ZMIZ2: variants seen among roughly 807,000 people sequenced by gnomAD.
The protein encoded by ZMIZ2 is zinc finger MIZ domain-containing protein 2.
ZMIZ2 carries 26 observed loss-of-function variants against 93.9 expected under a neutral mutation model. The observed-to-expected ratio is 0.28, with a 90% CI of 0.20 to 0.38. The LOEUF is 0.38. Among genes scored for constraint, ZMIZ2 ranks in the 10% least tolerant of loss-of-function variants. The probability of loss-of-function intolerance (pLI) is 1.00; values close to 1 mark genes in which losing one functional copy is unlikely to be tolerated. For synonymous variants in ZMIZ2, 485 were observed against 516.4 expected, an observed-to-expected ratio of 0.94 and a Z score of 0.82; for missense variants, 1,023 against 1,235.0, an observed-to-expected ratio of 0.83 and a Z score of 2.57.
Position 44,759,465 on chromosome 7 carries a change from G to A in ZMIZ2, c.993+5G>A. 1 of 1,502,450 alleles carries A rather than the reference G, an allele frequency of 6.7e-7. No homozygotes were observed. The highest frequency in any genetic ancestry group is 8.9e-7 in the Non-Finnish European group (1 of 1,123,742). The allele number at this position is 1,502,450 out of a possible 1,614,324, so 93.1% of individuals were successfully genotyped here. A position where few individuals can be genotyped will look rare whatever the true frequency, so the allele number is the denominator to read the frequency against. On this transcript the variant is annotated splice_donor_5th_base_variant and intron_variant, in intron 7 of 18. Transcript: ENST00000309315. ...CCCACGGGACTGCATTATAAGGTAGGGCAGGCTCCTCCAGGCCCTGTGCCG... is the reference window on the plus strand; with the variant it reads ...CCCACGGGACTGCATTATAAGGTAGAGCAGGCTCCTCCAGGCCCTGTGCCG...
At chr7:44,758,234 C>A in intron 6 of ZMIZ2, 126 bp downstream of exon 6, 1 of 1,257,602 alleles carries the variant, frequency 8.0e-7, no homozygotes, top group Non-Finnish European at 1.0e-6. Flanking sequence ...AGTCCCTGCA[C>A]TTTGGGAAAC....
chr7:44,755,881 G>T (rs565342297), intron 1 of ZMIZ2, among the ~76,000 whole-genome samples: 47 of 152,276 alleles, frequency 3.1e-4, no homozygotes, highest in African/African-American at 1.1e-3. Context: ...CGGTGTGGGC[G>T]GGAGAGTGGG....
At chr7:44,757,185 A>G (rs1465635369) in intron 4 of ZMIZ2, 36 bp downstream of exon 4, 1 of 1,566,126 alleles carries the variant, frequency 6.4e-7, no homozygotes, top group Non-Finnish European at 8.6e-7. Context: ...GTATGCTAGG[A>G]GCCATCAATC....
chr7:44,752,305 G>C lies in ZMIZ2; in HGVS notation c.-63+3314G>C, dbSNP rs567214049. Among the ~76,000 whole-genome samples, 8 of 152,044 alleles carry C rather than the reference G, an allele frequency of 5.3e-5. No homozygotes were observed. The South Asian group carries it at 1.5e-3, about 28-fold the overall frequency. Reference sequence around the variant, plus strand: ...ACTACGCCCGGTTAGTTTTTGCCCAGCTAATTCTTATGTTTTTAGTAGAGT... The same window carrying C: ...ACTACGCCCGGTTAGTTTTTGCCCACCTAATTCTTATGTTTTTAGTAGAGT... On this transcript the variant is annotated intron_variant, in intron 1 of 18. Transcript: ENST00000309315.
rs767818287 is a variant in ZMIZ2, at chr7:44,758,029, G to A, written c.734G>A (p.Arg245His). The change falls in exon 6 of 19, where the codon CGT becomes CAT. Residue 245 changes from arginine (R) to histidine (H), a missense_variant. Around this residue, in one of 3 missense-constraint regions of ZMIZ2, gnomAD observed 656 missense variants for 777.1 expected, o/e 0.84. Coordinates refer to ENST00000309315, the MANE Select transcript of ZMIZ2 (RefSeq NM_031449.4). ...AGMTPLYAGQ[R>H]LPQHGYPGPP... Reference sequence around the variant, plus strand: ...ATGACACCCTTGTATGCAGGGCAGCGTCTGCCCCAACATGGGTATCCTGGG... The same window carrying A: ...ATGACACCCTTGTATGCAGGGCAGCATCTGCCCCAACATGGGTATCCTGGG... 6.8e-6 allele frequency: 11 copies of A among 1,610,650 alleles called. No homozygotes were observed. Among genetic ancestry groups the A allele is most frequent in the Middle Eastern group, 1.6e-4 (1 of 6,068 alleles).
At position 44,766,595 on chromosome 7, in the gene ZMIZ2, C is replaced by G; in HGVS notation, c.2587C>G (p.Pro863Ala). The change falls in exon 18 of 19, where the codon CCT becomes GCT. Residue 863 changes from proline (P) to alanine (A), a missense_variant. Coordinates refer to ENST00000309315, the MANE Select transcript of ZMIZ2 (RefSeq NM_031449.4). The surrounding 1 kb of genome is among the most constrained non-coding windows in gnomAD (Gnocchi z 4.4). ...LGPTGELAFS[P>A]ATGVMGPPSM... Reference sequence around the variant, plus strand: ...ACCTACGGGTGAACTGGCCTTCAGTCCTGCCACAGGCGTGATGGGGCCCCC... The same window carrying G: ...ACCTACGGGTGAACTGGCCTTCAGTGCTGCCACAGGCGTGATGGGGCCCCC... 1 of 1,613,520 alleles carries G rather than the reference C, an allele frequency of 6.2e-7. No individual in the cohort carries two copies.
chr7:44,748,706 C>G (rs1378716354), upstream of ZMIZ2: 4 of 151,102 alleles, frequency 2.6e-5, no homozygotes, highest in African/African-American at 7.2e-5. Flanking sequence ...CGGCCCTGGC[C>G]CCACCCTGCC....
chr7:44,761,934 C>G lies in ZMIZ2; in HGVS notation c.1596+29C>G. ...CGTGTCCTGCGCCGAGGGGGCGGTG[C>G]TGTGGCGTGGGGCGGGGTGTGGTGG... On this transcript the variant is annotated intron_variant, in intron 11 of 18. Coordinates refer to ENST00000309315, the MANE Select transcript of ZMIZ2 (RefSeq NM_031449.4). The surrounding 1 kb of genome is among the most constrained non-coding windows in gnomAD (Gnocchi z 5.8). 7.3e-7 allele frequency: 1 copy of G among 1,369,068 alleles called. No individual in the cohort carries two copies. Among genetic ancestry groups the G allele is most frequent in the Non-Finnish European group, 9.7e-7 (1 of 1,030,038 alleles). The allele number at this position is 1,369,068 out of a possible 1,614,324, so 84.8% of individuals were successfully genotyped here.
At position 44,766,397 on chromosome 7, in the gene ZMIZ2, A is replaced by T. The variant is rs369916152; in HGVS notation, c.2413-24A>T. On this transcript the variant is annotated intron_variant, in intron 17 of 18. Transcript: ENST00000309315. This position sits in a 1 kb window ranked among gnomAD's most constrained non-coding sequence, Gnocchi z 4.4. The stretch of plus-strand genomic sequence containing the variant: ...CCAGGGGAGCCCCTGAGCTGTTTTA[A>T]CAAATTCTTCTCTCTGTCTTCAGAT... 18 of 1,613,562 alleles carry T rather than the reference A, an allele frequency of 1.1e-5. No individual in the cohort carries two copies. In the African/African-American group the frequency reaches 1.7e-4, roughly 16 times the overall value.
At chr7:44,762,081 C>T (rs932436799) in intron 11 of ZMIZ2, among the ~76,000 whole-genome samples, 176 bp downstream of exon 11, 4 of 152,202 alleles carry the variant, frequency 2.6e-5, no homozygotes, top group African/African-American at 9.6e-5. Flanking sequence ...ATCATGCCGC[C>T]GTCTGCTGTT....
At position 44,758,088 on chromosome 7, in the gene ZMIZ2, G is replaced by C. The variant is rs755881045; in HGVS notation, c.793G>C (p.Val265Leu). The change falls in exon 6 of 19, where the codon GTC becomes CTC. Residue 265 changes from valine to leucine, a missense_variant. By Grantham distance (32) the Val-to-Leu change is conservative (BLOSUM62 1). Transcript: ENST00000309315. ...GGCCCAGCCACTGCCCCGACAGGGG[G>C]TCAAGAGAACCTACTCTGAGGTGAG... is the stretch of plus-strand genomic sequence containing the variant. ...PQAQPLPRQG[V>L]KRTYSEVYPG... 1 of 1,579,454 alleles carries C rather than the reference G, an allele frequency of 6.3e-7. No homozygotes were observed. Among genetic ancestry groups the C allele is most frequent in the South Asian group, 1.2e-5 (1 of 85,564 alleles).
At position 44,765,093 on chromosome 7, in the gene ZMIZ2, G is replaced by A. The variant is rs1791568997; in HGVS notation, c.1997+84G>A. 8.3e-6 allele frequency: 13 copies of A among 1,570,062 alleles called. No homozygotes were observed. Among genetic ancestry groups the A allele is most frequent in the African/African-American group, 1.3e-5 (1 of 74,082 alleles). ...CATGTCGGGGGATGTCCCTTGCCAA[G>A]TGCAGCCTTCCAGCCTTTTTCCGGC... is the stretch of plus-strand genomic sequence containing the variant. On this transcript the variant is annotated intron_variant, in intron 15 of 18. Transcript: ENST00000309315. The surrounding 1 kb of genome is among the most constrained non-coding windows in gnomAD (Gnocchi z 4.1).
At chr7:44,762,056 C>T (rs939151849) in intron 11 of ZMIZ2, 151 bp downstream of exon 11, 230 of 1,042,786 alleles carry the variant, frequency 2.2e-4, no homozygotes, top group Non-Finnish European at 2.8e-4. Context: ...GCGGGCCGGC[C>T]TGCAGCACCA....
At chr7:44,754,404 G>T (rs958949641) in intron 1 of ZMIZ2, among the ~76,000 whole-genome samples, 1 of 152,162 alleles carries the variant, frequency 6.6e-6, no homozygotes, top group Non-Finnish European at 1.5e-5. Flanking sequence ...TCCCCTGAGG[G>T]TGTGAGGAAG....
rs538399974 is a variant in ZMIZ2, at chr7:44,754,170, C to T, written c.-62-2018C>T. 9.4e-4 allele frequency among the ~76,000 whole-genome samples: 143 copies of T among 152,258 alleles called. 1 individual carries two copies. The highest frequency in any genetic ancestry group is 3.3e-3 in the African/African-American group (138 of 41,542). On this transcript the variant is annotated intron_variant, in intron 1 of 18. Coordinates refer to ENST00000309315, the MANE Select transcript of ZMIZ2 (RefSeq NM_031449.4). ...CTGGCTGTTGGCAGGTTCCTCTGTC[C>T]CCCAACATCACTATTCCTGAGTCAG...
At chr7:44,762,037 A>AGGACATG (rs1271983058) in intron 11 of ZMIZ2, 132 bp downstream of exon 11, 1 of 1,212,504 alleles carries the variant, frequency 8.2e-7, no homozygotes, top group East Asian at 3.0e-5. Flanking sequence ...GAGCGGAGCC[A>AGGACATG]GGACATGGGC....
rs1790926024 is a variant in ZMIZ2, at chr7:44,759,269, CCT to C, written c.814-9_814-8del. On this transcript the variant is annotated splice_polypyrimidine_tract_variant and intron_variant, in intron 6 of 18. Transcript: ENST00000309315. The stretch of plus-strand genomic sequence containing the variant: ...CTTTTTTCTCCCCTCGGGCATTTTG[CCT>C]CTTTTTCAGGTGTATCCAGGGCAGC... 4 of 1,491,712 alleles carry C rather than the reference CCT, an allele frequency of 2.7e-6. No homozygotes were observed. Among genetic ancestry groups the C allele is most frequent in the Non-Finnish European group, 3.6e-6 (4 of 1,116,112 alleles). The allele number at this position is 1,491,712 out of a possible 1,614,324, so 92.4% of individuals were successfully genotyped here.
Position 44,767,497 on chromosome 7 carries a change from G to T in ZMIZ2, c.2656-19G>T. The T allele has an allele frequency of 6.2e-7, 1 of 1,604,154 alleles. No homozygotes were observed. The highest frequency in any genetic ancestry group is 1.3e-5 in the African/African-American group (1 of 74,840). ...CAGTCAGTGACCAAAGCTGCTAACA[G>T]AGTTCACTTTGTCCTCAGCTGCTCC... On this transcript the variant is annotated intron_variant, in intron 18 of 18. Coordinates refer to ENST00000309315, the MANE Select transcript of ZMIZ2 (RefSeq NM_031449.4).
At chr7:44,756,736 G>A (rs1208207557) in intron 3 of ZMIZ2, 197 bp downstream of exon 3, 1 of 778,372 alleles carries the variant, frequency 1.3e-6, no homozygotes, top group Non-Finnish European at 2.0e-6. Context: ...CACCTGCTGT[G>A]GGATTTTCTT....
Sources: allele counts gnomAD v4.1 joint callset (sites outside exome capture counted in the v4.1 genomes callset), GRCh38; gene constraint gnomAD v4.1.1; regional missense constraint gnomAD v4.1.1; non-coding constraint Gnocchi (gnomAD v3.1); transcripts MANE v1.5; gene names NCBI Gene and HGNC (gene_info 2026-07-23, HGNC 2026-07-21).